The following DNAJC3 variants were observed in gnomAD, a reference collection of about 807,000 sequenced individuals.
The protein encoded by DNAJC3 is dnaJ homolog subfamily C member 3.
In DNAJC3, 38 loss-of-function variants were observed where a neutral mutation model predicts 68.6. The ratio of observed to expected loss-of-function variants is 0.55; its 90% CI spans 0.43 to 0.73. The LOEUF (loss-of-function observed/expected upper bound fraction) is 0.73. DNAJC3 is among the 30% of genes least tolerant of loss of function. The pLI, the probability that DNAJC3 is intolerant of heterozygous loss-of-function variation, is 0.00. For missense variants in DNAJC3, 526 were observed against 591.9 expected (o/e 0.89, Z 1.16); for synonymous variants, 203 against 204.0 (o/e 1.00, Z 0.04).
At chr13:95,734,615 T>A (rs1053544525) in intron 4 of DNAJC3, among the ~76,000 whole-genome samples, 1 of 152,200 alleles carries the variant, frequency 6.6e-6, no homozygotes, top group African/African-American at 2.4e-5. Context: ...AAGTTTTTTA[T>A]CACTGTGGTT....
chr13:95,735,235 G>C (rs1390801184), intron 4 of DNAJC3, among the ~76,000 whole-genome samples: 2 of 122,540 alleles, frequency 1.6e-5, no homozygotes. Context: ...GGACATTTGG[G>C]TTGGTTCCAA....
Position 95,760,175 on chromosome 13 carries a change from A to G in DNAJC3, c.682A>G (p.Ile228Val). The G allele has an allele frequency of 6.2e-7, 1 of 1,611,926 alleles. No individual in the cohort carries two copies. The highest frequency in any genetic ancestry group is 1.3e-5 in the African/African-American group (1 of 75,020). ...KNDNTEAFYK[I>V]STLYYQLGDH... ...TGATAATACTGAAGCGTTTTATAAA[A>G]TAAGCACACTGTACTACCAACTAGG... Residue 228 changes from isoleucine to valine, a missense_variant, in exon 6 of 12, where the codon ATA (isoleucine) becomes GTA (valine). Transcript: ENST00000602402.
At chr13:95,765,636 A>G (rs1882972653) in intron 9 of DNAJC3, among the ~76,000 whole-genome samples, 1 of 149,708 alleles carries the variant, frequency 6.7e-6, no homozygotes, top group Non-Finnish European at 1.5e-5. Context: ...CAGTGGCACA[A>G]TCTTGGCTCA....
intron 4 of DNAJC3, among the ~76,000 whole-genome samples, chr13:95,746,411 G>A (rs929128167): frequency 6.6e-6 from 1 of 152,160 alleles, no homozygotes; most frequent in Non-Finnish European, 1.5e-5. Context: ...TACATTTTGT[G>A]TAAGTGGCCT....
chr13:95,779,175 A>G (rs1240800722), intron 9 of DNAJC3, among the ~76,000 whole-genome samples: 13 of 121,190 alleles, frequency 1.1e-4, no homozygotes, highest in Admixed American at 4.6e-4. Context: ...CCCAGGCTGG[A>G]GTGCAGTGGC....
At chr13:95,785,545 G>A (rs1343256374) in intron 9 of DNAJC3, among the ~76,000 whole-genome samples, 10 of 123,942 alleles carry the variant, frequency 8.1e-5, no homozygotes, top group South Asian at 2.8e-4. Context: ...GCAAACCTCC[G>A]CCTCCCAAGT....
In DNAJC3 at chr13:95,764,683, T is replaced by TATATACAC. The variant is rs36030034; in HGVS notation, c.1075+731_1075+732insTATACACA. Among the ~76,000 whole-genome samples, 345 of 88,128 alleles carry TATATACAC rather than the reference T, an allele frequency of 3.9e-3. 3 individuals are homozygous for TATATACAC. The highest frequency in any genetic ancestry group is 0.015 in the Admixed American group (104 of 7,008). The allele number at this position is 88,128 out of a possible 152,430, so 57.8% of individuals were successfully genotyped here. A position where few individuals can be genotyped will look rare whatever the true frequency, so the allele number is the denominator to read the frequency against. On this transcript the variant is annotated intron_variant, in intron 9 of 11. Transcript: ENST00000602402. ...ATATATATATATATATATATATATATACACACACACACATATATATATACA... is the reference window on the plus strand; with the variant it reads ...ATATATATATATATATATATATATATATATACACACACACACACACATATATATATACA...
intron 2 of DNAJC3, among the ~76,000 whole-genome samples, chr13:95,712,676 C>T (rs1881010419): frequency 6.6e-6 from 1 of 152,122 alleles, no homozygotes; most frequent in African/African-American, 2.4e-5. Flanking sequence ...CTGGCCTAGC[C>T]AGTGCAATTT....
At chr13:95,768,048 T>A (rs993911139) in intron 9 of DNAJC3, among the ~76,000 whole-genome samples, 1 of 152,084 alleles carries the variant, frequency 6.6e-6, no homozygotes, top group Non-Finnish European at 1.5e-5. Flanking sequence ...GTAGCCATCT[T>A]AATGGGCTTG....
chr13:95,791,371 T>A lies in DNAJC3; in HGVS notation c.*341T>A. 1 of 302,244 alleles carries A rather than the reference T, an allele frequency of 3.3e-6. No individual in the cohort carries two copies. Among genetic ancestry groups the A allele is most frequent in the Non-Finnish European group, 6.3e-6 (1 of 159,964 alleles). The allele number at this position is 302,244 out of a possible 1,614,324, so 18.7% of individuals were successfully genotyped here. ...GCTGAGATTCTTCTCTTCACAGCCT[T>A]GCAGAGTAAGTCAGTGCCTACAAGT... On this transcript the variant is annotated 3_prime_UTR_variant, in exon 12 of 12. Transcript: ENST00000602402.
chr13:95,767,864 C>CT (rs986115021), intron 9 of DNAJC3, among the ~76,000 whole-genome samples: 157 of 142,706 alleles, frequency 1.1e-3, no homozygotes, highest in South Asian at 4.3e-3. Flanking sequence ...TTTTTTTTTT[C>CT]TTTTTTTTTT....
At chr13:95,712,312 G>A (rs188026539) in intron 2 of DNAJC3, among the ~76,000 whole-genome samples, 1 of 151,826 alleles carries the variant, frequency 6.6e-6, no homozygotes, top group African/African-American at 2.4e-5. Context: ...AACGAGACAA[G>A]GATACCCACT....
At chr13:95,769,095 G>A (rs145086891) in intron 9 of DNAJC3, among the ~76,000 whole-genome samples, 1 of 152,204 alleles carries the variant, frequency 6.6e-6, no homozygotes, top group African/African-American at 2.4e-5. Flanking sequence ...ACACAGCTGC[G>A]TTTTAGTAAG....
At chr13:95,770,390 A>AT (rs1302307453) in intron 9 of DNAJC3, among the ~76,000 whole-genome samples, 10 of 152,210 alleles carry the variant, frequency 6.6e-5, no homozygotes, top group African/African-American at 2.4e-4. Flanking sequence ...TTAAGTGTTG[A>AT]TAAAGTACAG....
chr13:95,771,369 G>A (rs955600892), intron 9 of DNAJC3, among the ~76,000 whole-genome samples: 2 of 152,200 alleles, frequency 1.3e-5, no homozygotes, highest in Non-Finnish European at 2.9e-5. Flanking sequence ...GACAGGTAGA[G>A]GGGCCACTGC....
At chr13:95,710,605 ATAT>A (rs1566477531) in intron 2 of DNAJC3, among the ~76,000 whole-genome samples, 1 of 152,032 alleles carries the variant, frequency 6.6e-6, no homozygotes, top group East Asian at 1.9e-4. Flanking sequence ...CTTTACTTAT[ATAT>A]TTTTACCTTG....
intron 2 of DNAJC3, among the ~76,000 whole-genome samples, chr13:95,721,446 C>A (rs1003216250): frequency 7.9e-5 from 12 of 152,052 alleles, no homozygotes; most frequent in Admixed American, 6.6e-4. Context: ...GAATTGCTGG[C>A]CCACATTGTA....
At chr13:95,732,295 C>G (rs763291288) in intron 4 of DNAJC3, among the ~76,000 whole-genome samples, 6 of 152,108 alleles carry the variant, frequency 3.9e-5, no homozygotes, top group Non-Finnish European at 8.8e-5. Context: ...GGCAATGAAT[C>G]CATCCAGTCC....
chr13:95,690,037 G>A (rs1880186658), intron 1 of DNAJC3, among the ~76,000 whole-genome samples: 1 of 151,356 alleles, frequency 6.6e-6, no homozygotes, highest in African/African-American at 2.4e-5. Flanking sequence ...TCGCAGAGGG[G>A]GATTTGGCAG....
Sources: allele counts gnomAD v4.1 joint callset (sites outside exome capture counted in the v4.1 genomes callset), GRCh38; gene constraint gnomAD v4.1.1; transcripts MANE v1.5; gene names NCBI Gene and HGNC (gene_info 2026-07-23, HGNC 2026-07-21).